TRPM6: variants seen among roughly 807,000 people sequenced by gnomAD.
TRPM6 encodes transient receptor potential cation channel subfamily M member 6.
In TRPM6, 111 loss-of-function variants were observed where a neutral mutation model predicts 247.6. The ratio of observed to expected loss-of-function variants is 0.45; its 90% CI spans 0.38 to 0.52. TRPM6 has a LOEUF of 0.52. Among genes scored for constraint, TRPM6 ranks in the 20% least tolerant of loss-of-function variants. The pLI, the probability that TRPM6 is intolerant of heterozygous loss-of-function variation, is 0.00. For missense variants in TRPM6, 2,126 were observed against 2,421.5 expected, an observed-to-expected ratio of 0.88 and a Z score of 2.56; for synonymous variants, 892 against 853.8, an observed-to-expected ratio of 1.04 and a Z score of -0.78.
At chr9:74,873,198 CCCTT>C (rs1209082706) in intron 1 of TRPM6, among the ~76,000 whole-genome samples, 12 of 152,176 alleles carry the variant, frequency 7.9e-5, no homozygotes, top group Non-Finnish European at 1.6e-4. Flanking sequence ...ACTCTCCACT[CCCTT>C]CCTTTCTCCG....
rs116205272 is a variant in TRPM6, at chr9:74,854,974, T to A, written c.152+553A>T. Among the ~76,000 whole-genome samples the A allele has an allele frequency of 4.0e-3, 605 of 152,366 alleles. 4 individuals are homozygous for A. The highest frequency in any genetic ancestry group is 0.014 in the African/African-American group (577 of 41,586). On this transcript the variant is annotated intron_variant, in intron 3 of 38. Coordinates refer to ENST00000360774, the MANE Select transcript of TRPM6 (RefSeq NM_017662.5). ...GATAACAGGTGTGAGTGACTGTGCC[T>A]AGTCCCAAATGTTTTTTTCCAAGAA...
rs1304590727 is a variant in TRPM6, at chr9:74,801,960, G to T, written c.1947C>A (p.Ala649=). The T allele has an allele frequency of 6.2e-7, 1 of 1,614,164 alleles. No homozygotes were observed. The highest frequency in any genetic ancestry group is 1.7e-5 in the Admixed American group (1 of 60,030). The change falls in exon 16 of 39, where the codon GCC becomes GCA. Residue 649 remains alanine (A), a synonymous_variant. Coordinates refer to ENST00000360774, the MANE Select transcript of TRPM6 (RefSeq NM_017662.5). The part of the protein sequence containing the change: ...VIACILYRAM[A]HEAKESHMVD... ...CCATGTGACTCTCCTTAGCTTCATGGGCCATTGCCCGGTAGAGGATACACG... is the reference window on the plus strand; with the variant it reads ...CCATGTGACTCTCCTTAGCTTCATGTGCCATTGCCCGGTAGAGGATACACG...
intron 5 of TRPM6, among the ~76,000 whole-genome samples, chr9:74,839,091 C>G (rs911773554): frequency 8.1e-6 from 1 of 123,402 alleles, no homozygotes; most frequent in African/African-American, 3.2e-5. Flanking sequence ...GCCTGGGTGA[C>G]AAGAGCGAGA....
At chr9:74,791,765 C>CT (rs892701608) in intron 19 of TRPM6, among the ~76,000 whole-genome samples, 11 of 151,956 alleles carry the variant, frequency 7.2e-5, no homozygotes, top group African/African-American at 1.4e-4. Context: ...TGCTGATTTT[C>CT]TTTTTTTTGA....
intron 36 of TRPM6, among the ~76,000 whole-genome samples, 193 bp downstream of exon 36, chr9:74,738,214 T>C (rs1242180048): frequency 6.6e-6 from 1 of 152,208 alleles, no homozygotes; most frequent in Admixed American, 6.5e-5. Context: ...TGCCTACATT[T>C]TTCCCCCTAC....
At chr9:74,812,557 G>T in intron 11 of TRPM6, 124 bp from the exon 12 acceptor site, 35 of 914,498 alleles carry the variant, frequency 3.8e-5, no homozygotes, top group Non-Finnish European at 5.0e-5. Context: ...CCTGCCATCA[G>T]TGGGTACAGA....
At chr9:74,883,196 T>C (rs1235688304) in intron 1 of TRPM6, among the ~76,000 whole-genome samples, 1 of 152,098 alleles carries the variant, frequency 6.6e-6, no homozygotes, top group African/African-American at 2.4e-5. Context: ...AGAATTTCCC[T>C]CCATTTTAAG....
At position 74,738,400 on chromosome 9, in the gene TRPM6, C is replaced by T; in HGVS notation, c.5776+7G>A. ...CTTGTTGTATCAAATCCTACATCAT[C>T]AATCACCTTGCAAATCTAAAACCAG... On this transcript the variant is annotated splice_region_variant and intron_variant, in intron 36 of 38. Transcript: ENST00000360774. 1 of 1,613,594 alleles carries T rather than the reference C, an allele frequency of 6.2e-7. No individual in the cohort carries two copies. The highest frequency in any genetic ancestry group is 1.1e-5 in the South Asian group (1 of 91,054).
At chr9:74,782,996 T>A in intron 21 of TRPM6, 143 bp from the exon 22 acceptor site, 1 of 790,814 alleles carries the variant, frequency 1.3e-6, no homozygotes, top group Non-Finnish European at 2.1e-6. Context: ...CAGGAACAGC[T>A]AGACTTTCTT....
At chr9:74,749,399 T>A (rs1318134467) in intron 30 of TRPM6, among the ~76,000 whole-genome samples, 1 of 152,200 alleles carries the variant, frequency 6.6e-6, no homozygotes, top group Non-Finnish European at 1.5e-5. Flanking sequence ...GAAAAGCAGT[T>A]GTTGTTTTTT....
chr9:74,729,831 T>C (rs1050648878), intron 37 of TRPM6, among the ~76,000 whole-genome samples: 2 of 152,208 alleles, frequency 1.3e-5, no homozygotes, highest in African/African-American at 4.8e-5. Context: ...ATTTCACTCA[T>C]TTGCTTTCCA....
At chr9:74,810,139 T>G (rs1828677726) in intron 13 of TRPM6, among the ~76,000 whole-genome samples, 1 of 152,048 alleles carries the variant, frequency 6.6e-6, no homozygotes, top group Admixed American at 6.6e-5. Context: ...TTAACCATAG[T>G]GACAAATAAA....
At chr9:74,771,142 TC>T (rs1317431636) in intron 25 of TRPM6, among the ~76,000 whole-genome samples, 1 of 152,132 alleles carries the variant, frequency 6.6e-6, no homozygotes, top group Non-Finnish European at 1.5e-5. Context: ...GGGGCGCTAT[TC>T]CACCAGACGC....
chr9:74,727,987 T>C (rs1038629309), intron 38 of TRPM6, among the ~76,000 whole-genome samples: 1 of 152,086 alleles, frequency 6.6e-6, no homozygotes, highest in Admixed American at 6.6e-5. Flanking sequence ...CGGTGGAACT[T>C]TTCTTTTGGA....
At position 74,818,976 on chromosome 9, in the gene TRPM6, G is replaced by A. The variant is rs140705476; in HGVS notation, c.1134+1328C>T. Among the ~76,000 whole-genome samples the A allele has an allele frequency of 4.3e-3, 655 of 151,948 alleles. 6 individuals carry two copies. Among genetic ancestry groups the A allele is most frequent in the African/African-American group, 0.015 (619 of 41,420 alleles). ...ATCATGACATATCTGTATATTTACTGTAATTGTCAGCTTCATATCATCTGA... is the reference window on the plus strand; with the variant it reads ...ATCATGACATATCTGTATATTTACTATAATTGTCAGCTTCATATCATCTGA... On this transcript the variant is annotated intron_variant, in intron 9 of 38. Coordinates refer to ENST00000360774, the MANE Select transcript of TRPM6 (RefSeq NM_017662.5).
At chr9:74,763,249 G>T in intron 25 of TRPM6, 115 bp from the exon 26 acceptor site, 1 of 998,946 alleles carries the variant, frequency 1.0e-6, no homozygotes, top group South Asian at 1.4e-5. Flanking sequence ...GCTTCCCTAG[G>T]TTAAGTCTGT....
intron 17 of TRPM6, among the ~76,000 whole-genome samples, chr9:74,797,526 A>C (rs1828142075): frequency 1.3e-5 from 2 of 152,184 alleles, no homozygotes; most frequent in Non-Finnish European, 2.9e-5. Flanking sequence ...TCATTTGTAT[A>C]ACTTTTATTG....
chr9:74,784,688 T>A (rs1161703747), intron 21 of TRPM6, among the ~76,000 whole-genome samples: 1 of 152,198 alleles, frequency 6.6e-6, no homozygotes, highest in Non-Finnish European at 1.5e-5. Flanking sequence ...CTGGTCCTAA[T>A]CAAAAGGGTA....
intron 1 of TRPM6, among the ~76,000 whole-genome samples, chr9:74,882,518 A>G (rs1831394281): frequency 6.6e-6 from 1 of 152,210 alleles, no homozygotes; most frequent in South Asian, 2.1e-4. Context: ...TATGCTCAAC[A>G]TCACTAATCA....
Sources: allele counts gnomAD v4.1 joint callset (sites outside exome capture counted in the v4.1 genomes callset), GRCh38; gene constraint gnomAD v4.1.1; transcripts MANE v1.5; gene names NCBI Gene and HGNC (gene_info 2026-07-23, HGNC 2026-07-21).